Variants in RABGAP1L observed in about 807,000 individuals in gnomAD.
RABGAP1L encodes RAB GTPase activating protein 1 like.
RABGAP1L carries 63 observed loss-of-function variants against 137.7 expected under a neutral mutation model. The ratio of observed to expected loss-of-function variants is 0.46; its 90% CI spans 0.37 to 0.56. The LOEUF (loss-of-function observed/expected upper bound fraction) is 0.56, where lower values mean the gene tolerates loss of function less well. Ranked by LOEUF, RABGAP1L falls within the 20% of genes least tolerant of loss-of-function variation. The pLI, the probability that RABGAP1L is intolerant of heterozygous loss-of-function variation, is 0.00. For synonymous variants in RABGAP1L, 431 were observed against 433.7 expected (o/e 0.99, Z 0.08); for missense variants, 1,095 against 1,244.0 (o/e 0.88, Z 1.80).
In RABGAP1L at chr1:174,221,128, C is replaced by A; in HGVS notation, c.295C>A (p.Pro99Thr). The change falls in exon 3 of 26, where the codon CCA becomes ACA. Residue 99 changes from proline to threonine, a missense_variant. Around this residue, in one of 4 missense-constraint regions of RABGAP1L, gnomAD observed 356 missense variants for 326.3 expected, o/e 1.09. Transcript: ENST00000681986. ...TATTCCAGCCAGCCAAACAAATAAG[C>A]CATCTCTTCAGTTAATTTTGGATCC... ...GDIPASQTNKPSLQLILDPSN... is the reference protein window; with the variant it reads ...GDIPASQTNKTSLQLILDPSN... 1 of 1,612,258 alleles carries A rather than the reference C, an allele frequency of 6.2e-7. No individual in the cohort carries two copies. Among genetic ancestry groups the A allele is most frequent in the Non-Finnish European group, 8.5e-7 (1 of 1,178,976 alleles).
chr1:174,244,431 A>G (rs1390569136), intron 5 of RABGAP1L: 5 of 152,246 alleles, frequency 3.3e-5, no homozygotes, highest in Non-Finnish European at 5.9e-5. Context: ...GGCATCAACA[A>G]TGGTAGAAGG....
At chr1:174,456,845 A>G (rs1656089863) in intron 13 of RABGAP1L, among the ~76,000 whole-genome samples, 2 of 152,166 alleles carry the variant, frequency 1.3e-5, no homozygotes, top group Non-Finnish European at 2.9e-5. Flanking sequence ...AATTTATGCT[A>G]CTTATTTAAA....
rs558717487 is a variant in RABGAP1L, at chr1:174,264,067, A to AT, written c.987-8337dup. Among the ~76,000 whole-genome samples the AT allele has an allele frequency of 5.1e-4, 76 of 148,660 alleles. No individual in the cohort carries two copies. In the East Asian group the frequency reaches 5.9e-3, roughly 11 times the overall value. On this transcript the variant is annotated intron_variant, in intron 7 of 25. Coordinates refer to ENST00000681986, the MANE Select transcript of RABGAP1L (RefSeq NM_001366446.1). ...AGAGGGAGGAAGACTTAAAAATGTT[A>AT]TTTTTTTTTTAGTAGGACTTTAAGC...
At chr1:174,580,126 A>G (rs888421396) in intron 13 of RABGAP1L, among the ~76,000 whole-genome samples, 7 of 150,336 alleles carry the variant, frequency 4.7e-5, no homozygotes, top group Admixed American at 6.6e-5. Context: ...CAAAATATAA[A>G]ACATAAACTG....
chr1:174,293,350 G>C (rs1309485447), intron 10 of RABGAP1L, among the ~76,000 whole-genome samples: 1 of 152,084 alleles, frequency 6.6e-6, no homozygotes, highest in Non-Finnish European at 1.5e-5. Flanking sequence ...AGTGATTTAT[G>C]ATCCTGATCC....
At chr1:174,686,135 TGTA>T (rs1486998097) in intron 15 of RABGAP1L, among the ~76,000 whole-genome samples, 3 of 152,214 alleles carry the variant, frequency 2.0e-5, no homozygotes, top group Non-Finnish European at 2.9e-5. Flanking sequence ...TAGTGTCAAA[TGTA>T]ACGAGAGGCC....
At chr1:174,525,267 C>A (rs567793319) in intron 13 of RABGAP1L, among the ~76,000 whole-genome samples, 4 of 152,176 alleles carry the variant, frequency 2.6e-5, no homozygotes, top group African/African-American at 7.2e-5. Flanking sequence ...TTATTCTGAT[C>A]CATGAGCATG....
intron 18 of RABGAP1L, among the ~76,000 whole-genome samples, chr1:174,810,533 A>G (rs148916485): frequency 6.6e-6 from 1 of 152,336 alleles, no homozygotes; most frequent in East Asian, 1.9e-4. Flanking sequence ...GCAGTCTTTA[A>G]TCAGCTTTAC....
chr1:174,542,378 C>T lies in RABGAP1L; in HGVS notation c.1711-94997C>T, dbSNP rs572476797. Among the ~76,000 whole-genome samples the T allele has an allele frequency of 1.4e-4, 22 of 152,258 alleles. No homozygotes were observed. In the East Asian group the frequency reaches 3.9e-3, roughly 27 times the overall value. The stretch of plus-strand genomic sequence containing the variant: ...TCTTCTAGATTTTCTAGTTTATTTG[C>T]GTAAAAGTGTTTATAGTATTCTCTG... On this transcript the variant is annotated intron_variant, in intron 13 of 25. Transcript: ENST00000681986.
At chr1:174,535,800 A>C (rs1040345145) in intron 13 of RABGAP1L, among the ~76,000 whole-genome samples, 1 of 152,190 alleles carries the variant, frequency 6.6e-6, no homozygotes. Context: ...ATTGCTTCTT[A>C]GTTTTTCATT....
At chr1:174,410,448 G>A (rs536627073) in intron 13 of RABGAP1L, among the ~76,000 whole-genome samples, 21 of 152,182 alleles carry the variant, frequency 1.4e-4, no homozygotes, top group Non-Finnish European at 2.2e-4. Context: ...CAACTATCCC[G>A]TAATAGCAGG....
intron 14 of RABGAP1L, among the ~76,000 whole-genome samples, chr1:174,640,636 C>T (rs749367755): frequency 3.3e-5 from 5 of 152,146 alleles, no homozygotes; most frequent in Admixed American, 1.3e-4. Context: ...CTGGACACCC[C>T]GCGCAGAACT....
chr1:174,682,929 G>A (rs1572794901), intron 14 of RABGAP1L, among the ~76,000 whole-genome samples: 1 of 152,114 alleles, frequency 6.6e-6, no homozygotes, highest in Non-Finnish European at 1.5e-5. Context: ...AAAAAGCATG[G>A]GACAATGCTA....
chr1:174,781,956 T>C (rs1687047216), intron 18 of RABGAP1L, among the ~76,000 whole-genome samples: 1 of 152,228 alleles, frequency 6.6e-6, no homozygotes. Context: ...CCATGCTGTT[T>C]TGGTTACTGT....
intron 18 of RABGAP1L, among the ~76,000 whole-genome samples, chr1:174,806,274 A>T: frequency 6.6e-6 from 1 of 152,190 alleles, no homozygotes; most frequent in East Asian, 1.9e-4. Flanking sequence ...CTCAATTATG[A>T]GCACTAATTA....
intron 19 of RABGAP1L, among the ~76,000 whole-genome samples, chr1:174,945,309 C>T (rs972229935): frequency 1.3e-5 from 2 of 152,124 alleles, no homozygotes; most frequent in African/African-American, 4.8e-5. Flanking sequence ...AAATACTGTA[C>T]TAAAATTTTT....
chr1:174,501,757 A>T (rs1661296449), intron 13 of RABGAP1L, among the ~76,000 whole-genome samples: 1 of 152,140 alleles, frequency 6.6e-6, no homozygotes, highest in African/African-American at 2.4e-5. Context: ...ATAACTTAGT[A>T]GGTGTTAGTG....
intron 10 of RABGAP1L, among the ~76,000 whole-genome samples, chr1:174,294,439 A>G (rs1023756812): frequency 6.6e-6 from 1 of 152,190 alleles, no homozygotes; most frequent in African/African-American, 2.4e-5. Context: ...GATTTGTGGG[A>G]AATCAGATAT....
chr1:174,612,461 T>C (rs1671350062), intron 13 of RABGAP1L, among the ~76,000 whole-genome samples: 1 of 152,232 alleles, frequency 6.6e-6, no homozygotes, highest in Non-Finnish European at 1.5e-5. Context: ...GGTTTGCCAG[T>C]ATTTTATTCA....
Sources: allele counts gnomAD v4.1 joint callset (sites outside exome capture counted in the v4.1 genomes callset), GRCh38; gene constraint gnomAD v4.1.1; regional missense constraint gnomAD v4.1.1; transcripts MANE v1.5; gene names NCBI Gene and HGNC (gene_info 2026-07-23, HGNC 2026-07-21).